GLRA2: variants seen among roughly 807,000 people sequenced by gnomAD.
GLRA2 encodes glycine receptor subunit alpha-2.
Under a neutral mutation model 31.6 loss-of-function variants are expected in GLRA2, and 11 were observed. The observed-to-expected ratio is 0.35, with a 90% CI of 0.22 to 0.58. GLRA2 has a LOEUF of 0.58. Among genes scored for constraint, GLRA2 ranks in the 20% least tolerant of loss-of-function variants. The pLI is 0.84. For missense variants in GLRA2, 212 were observed against 351.8 expected, an observed-to-expected ratio of 0.60 and a Z score of 3.18; for synonymous variants, 132 against 134.0, an observed-to-expected ratio of 0.99 and a Z score of 0.10.
the GLRA2 span, among the ~76,000 whole-genome samples, chrX:14,496,491 C>T: frequency 9.0e-6 from 1 of 111,676 alleles, no homozygotes; most frequent in African/African-American, 3.3e-5. Flanking sequence ...AACTATAAGG[C>T]AAGTGGAAAG....
At chrX:14,546,147 G>T (rs778642624) in intron 2 of GLRA2, among the ~76,000 whole-genome samples, 63 of 111,046 alleles carry the variant, frequency 5.7e-4, no homozygotes, top group Non-Finnish European at 5.5e-4. Context: ...TAGAATCCGT[G>T]CCCACTCTGT....
the GLRA2 span, among the ~76,000 whole-genome samples, chrX:14,511,842 C>G: frequency 9.0e-6 from 1 of 111,669 alleles, no homozygotes; most frequent in East Asian, 2.8e-4. Flanking sequence ...TTGCTACAAC[C>G]AGGATGGTCA....
chrX:14,647,712 T>C (rs1390370134), intron 7 of GLRA2, among the ~76,000 whole-genome samples: 1 of 112,622 alleles, frequency 8.9e-6, no homozygotes, highest in Non-Finnish European at 1.9e-5. Flanking sequence ...TGGTCATTTA[T>C]CTAGTCAGAT....
chrX:14,682,238 G>T (rs1015883599), intron 7 of GLRA2, among the ~76,000 whole-genome samples: 1 of 109,529 alleles, frequency 9.1e-6, no homozygotes, highest in Non-Finnish European at 1.9e-5. Flanking sequence ...TTAATCAGAA[G>T]GAGTGGGAAT....
At chrX:14,562,421 C>T (rs759137981) in intron 2 of GLRA2, among the ~76,000 whole-genome samples, 71 of 112,109 alleles carry the variant, frequency 6.3e-4, no homozygotes, top group Non-Finnish European at 1.1e-3. Flanking sequence ...GTCCCTTGAT[C>T]TGGAAGGAGT....
chrX:14,453,190 T>C, the GLRA2 span, among the ~76,000 whole-genome samples: 1 of 111,979 alleles, frequency 8.9e-6, no homozygotes, highest in African/African-American at 3.2e-5. Flanking sequence ...AAATGAGCAC[T>C]AGTGATCTTG....
chrX:14,703,142 A>C (rs898854523), intron 8 of GLRA2, among the ~76,000 whole-genome samples: 1 of 111,800 alleles, frequency 8.9e-6, no homozygotes, highest in African/African-American at 3.3e-5. Context: ...AAAATAATGG[A>C]ATGTGTAAAA....
the GLRA2 span, among the ~76,000 whole-genome samples, chrX:14,519,889 T>G: frequency 8.9e-6 from 1 of 112,452 alleles, no homozygotes; most frequent in Non-Finnish European, 1.9e-5. Context: ...TAACTAATAT[T>G]CGTTGACTGG....
intron 2 of GLRA2, among the ~76,000 whole-genome samples, chrX:14,533,426 T>C (rs1410195504): frequency 1.8e-5 from 2 of 109,997 alleles, no homozygotes; most frequent in Non-Finnish European, 3.8e-5. Flanking sequence ...GGTATGGGCA[T>C]ATTTTATAAA....
At chrX:14,470,126 G>A in the GLRA2 span, among the ~76,000 whole-genome samples, 1 of 111,451 alleles carries the variant, frequency 9.0e-6, no homozygotes, top group Non-Finnish European at 1.9e-5. Flanking sequence ...CCATTTAGCA[G>A]GTTTCATGTT....
At chrX:14,499,776 A>G in the GLRA2 span, among the ~76,000 whole-genome samples, 2 of 111,282 alleles carry the variant, frequency 1.8e-5, no homozygotes, top group Non-Finnish European at 3.8e-5. Context: ...TGACGGGATC[A>G]ATAGAAACCC....
chrX:14,679,005 T>C (rs1031979382), intron 7 of GLRA2, among the ~76,000 whole-genome samples: 25 of 110,890 alleles, frequency 2.3e-4, no homozygotes, highest in Non-Finnish European at 4.1e-4. Context: ...CTACATTCCA[T>C]GGAGGATCCA....
Position 14,607,234 on chromosome X carries a change from G to A in GLRA2, c.681G>A (p.Lys227=). The A allele has an allele frequency of 8.4e-7, 1 of 1,195,791 alleles. No homozygotes were observed. The highest frequency in any genetic ancestry group is 1.1e-6 in the Non-Finnish European group (1 of 882,842). The change falls in exon 6 of 9, where the codon AAG becomes AAA. Residue 227 remains lysine (K), a synonymous_variant. Coordinates refer to ENST00000218075, the MANE Select transcript of GLRA2 (RefSeq NM_002063.4). ...CCCAGTTTATTTTGAAAGAAGAGAA[G>A]GAACTTGGCTACTGTACAAAGCACT... The part of the protein sequence containing the change: ...TLPQFILKEE[K]ELGYCTKHYN...
chrX:14,688,874 C>T (rs183098426), intron 7 of GLRA2, among the ~76,000 whole-genome samples: 1 of 111,503 alleles, frequency 9.0e-6, no homozygotes, highest in East Asian at 2.8e-4. Context: ...TGCAGAAATC[C>T]CTCGTCTTCT....
chrX:14,667,298 C>T (rs1011922037), intron 7 of GLRA2, among the ~76,000 whole-genome samples: 1 of 111,909 alleles, frequency 8.9e-6, no homozygotes, highest in Non-Finnish European at 1.9e-5. Context: ...AGGATTAAAG[C>T]AGTAATTCAT....
chrX:14,726,046 A>C (rs1328306971), intron 8 of GLRA2, among the ~76,000 whole-genome samples: 1 of 112,432 alleles, frequency 8.9e-6, no homozygotes, highest in Non-Finnish European at 1.9e-5. Context: ...GCTAATCAGA[A>C]GAAATGGAGA....
chrX:14,513,190 G>A, the GLRA2 span, among the ~76,000 whole-genome samples: 1 of 111,642 alleles, frequency 9.0e-6, no homozygotes, highest in Non-Finnish European at 1.9e-5. Context: ...TTCAACAAAT[G>A]GTGCTGGGAT....
the GLRA2 span, among the ~76,000 whole-genome samples, chrX:14,523,360 C>T: frequency 8.9e-6 from 1 of 111,983 alleles, no homozygotes; most frequent in Admixed American, 9.5e-5. Flanking sequence ...CTGCTTTGAT[C>T]TCCAATCCAG....
At chrX:14,678,554 A>G (rs1400030331) in intron 7 of GLRA2, among the ~76,000 whole-genome samples, 1 of 111,308 alleles carries the variant, frequency 9.0e-6, no homozygotes, top group Non-Finnish European at 1.9e-5. Context: ...AAGACAATGG[A>G]GGGGGAAACA....
Sources: gnomAD v4.1 joint callset for allele counts (sites outside exome capture counted in the v4.1 genomes callset) on GRCh38, gnomAD v4.1.1 for gene constraint, MANE v1.5 for transcripts, NCBI Gene and HGNC (gene_info 2026-07-23, HGNC 2026-07-21) for gene names.